Variants in AADAT observed in about 807,000 individuals in gnomAD.
AADAT encodes the protein aminoadipate aminotransferase.
AADAT carries 25 observed loss-of-function variants against 56.2 expected under a neutral mutation model. The ratio of observed to expected loss-of-function variants is 0.44; its 90% confidence interval spans 0.32 to 0.62. The LOEUF (loss-of-function observed/expected upper bound fraction) is 0.62, where lower values mean the gene tolerates loss of function less well. Ranked by LOEUF, AADAT falls within the 20% of genes least tolerant of loss-of-function variation. AADAT has a pLI of 0.04. For synonymous variants in AADAT, 173 were observed against 164.7 expected (o/e 1.05, Z -0.39); for missense variants, 387 against 510.5 (o/e 0.76, Z 2.33).
chr4:170,069,707 T>G (rs1412242248), intron 6 of AADAT, among the ~76,000 whole-genome samples: 1 of 152,172 alleles, frequency 6.6e-6, no homozygotes, highest in Non-Finnish European at 1.5e-5. Flanking sequence ...CATGAAAGAC[T>G]GACTTCAACA....
chr4:170,061,783 T>C (rs949251720), intron 12 of AADAT, 109 bp downstream of exon 12: 1 of 730,702 alleles, frequency 1.4e-6, no homozygotes, highest in Non-Finnish European at 2.0e-6. Flanking sequence ...ATCTGAATTT[T>C]AGAAACCCAA....
intron 11 of AADAT, among the ~76,000 whole-genome samples, chr4:170,064,363 T>C (rs1731343140): frequency 1.3e-5 from 2 of 152,190 alleles, no homozygotes; most frequent in African/African-American, 4.8e-5. Flanking sequence ...TCTTATTACC[T>C]CTGTTTTACA....
chr4:170,070,647 T>G lies in AADAT; in HGVS notation c.660A>C (p.Ala220=). The G allele has an allele frequency of 6.4e-7, 1 of 1,563,070 alleles. No homozygotes were observed. Among genetic ancestry groups the G allele is most frequent in the Non-Finnish European group, 8.7e-7 (1 of 1,144,452 alleles). ...CTATTATGAGGAAATCATATTTTCTTGCAAGCTAAAAAAGGTTGAAGTAAT... is the reference window on the plus strand; with the variant it reads ...CTATTATGAGGAAATCATATTTTCTGGCAAGCTAAAAAAGGTTGAAGTAAT... ...SERKKEIYEL[A]RKYDFLIIED... The change falls in exon 6 of 13, where the codon GCA becomes GCC. Residue 220 remains alanine, a synonymous_variant. Transcript: ENST00000337664.
chr4:170,087,281 T>C, intron 2 of AADAT, 33 bp from the exon 3 acceptor site: 1 of 1,592,178 alleles, frequency 6.3e-7, no homozygotes. Context: ...AAATTCATAG[T>C]AGTAAAAATC....
intron 3 of AADAT, among the ~76,000 whole-genome samples, chr4:170,086,008 C>T (rs78679212): frequency 9.3e-4 from 141 of 152,134 alleles, no homozygotes; most frequent in East Asian, 5.6e-3. Flanking sequence ...AGAAAATATA[C>T]CAGCACTTTG....
chr4:170,064,155 A>T (rs1731329096), intron 11 of AADAT, among the ~76,000 whole-genome samples: 1 of 152,150 alleles, frequency 6.6e-6, no homozygotes, highest in Admixed American at 6.6e-5. Flanking sequence ...TATTTAAAAA[A>T]TTTTCATTAT....
intron 2 of AADAT, 97 bp from the exon 3 acceptor site, chr4:170,087,345 G>A (rs1732614196): frequency 8.6e-7 from 1 of 1,163,484 alleles, no homozygotes; most frequent in Non-Finnish European, 1.2e-6. Context: ...CAAGCACTTT[G>A]TACACTCAAT....
chr4:170,083,706 A>C (rs946742239), intron 3 of AADAT, among the ~76,000 whole-genome samples: 3 of 152,186 alleles, frequency 2.0e-5, no homozygotes, highest in African/African-American at 7.2e-5. Flanking sequence ...AACCATATTC[A>C]AAATGGCTAG....
intron 4 of AADAT, 97 bp from the exon 5 acceptor site, chr4:170,073,442 A>G: frequency 9.5e-7 from 1 of 1,057,440 alleles, no homozygotes; most frequent in Non-Finnish European, 1.3e-6. Context: ...TTGCTCATTC[A>G]TACCCTTAAA....
At chr4:170,073,390 G>T (rs111721322) in intron 4 of AADAT, 45 bp from the exon 5 acceptor site, 2 of 1,505,360 alleles carry the variant, frequency 1.3e-6, no homozygotes, top group Non-Finnish European at 8.9e-7. Context: ...GATTACAAAT[G>T]TAAGTGCTAT....
chr4:170,062,065 T>G (rs1731219590), intron 11 of AADAT, 72 bp from the exon 12 acceptor site: 1 of 981,430 alleles, frequency 1.0e-6, no homozygotes, highest in African/African-American at 1.6e-5. Context: ...TTAAGCCTAA[T>G]CTCAGAGTAG....
At chr4:170,074,659 T>C (rs1158188827) in intron 4 of AADAT, among the ~76,000 whole-genome samples, 1 of 152,088 alleles carries the variant, frequency 6.6e-6, no homozygotes, top group African/African-American at 2.4e-5. Context: ...ACATTAACTC[T>C]GGAACATGGG....
chr4:170,064,307 T>C (rs1002537652), intron 11 of AADAT, among the ~76,000 whole-genome samples: 1 of 152,216 alleles, frequency 6.6e-6, no homozygotes, highest in Non-Finnish European at 1.5e-5. Context: ...GGGCTTTACA[T>C]ATATTAACTC....
chr4:170,086,467 C>A (rs1213173456), intron 3 of AADAT, among the ~76,000 whole-genome samples: 2 of 151,816 alleles, frequency 1.3e-5, no homozygotes, highest in East Asian at 3.9e-4. Context: ...GAGAAATACA[C>A]CCAAGAGGGG....
intron 3 of AADAT, among the ~76,000 whole-genome samples, chr4:170,082,562 C>T (rs1290741544): frequency 6.6e-6 from 1 of 152,016 alleles, no homozygotes. Context: ...AACAAAATGC[C>T]AGTAGTAAGT....
chr4:170,074,509 T>A (rs1731943336), intron 4 of AADAT, among the ~76,000 whole-genome samples: 2 of 152,194 alleles, frequency 1.3e-5, no homozygotes, highest in Non-Finnish European at 2.9e-5. Flanking sequence ...GTAAATCATA[T>A]GTTTCATTTA....
Position 170,070,757 on chromosome 4 carries a change from G to T in AADAT, c.655-105C>A, listed in dbSNP as rs563857597. 4 of 749,878 alleles carry T rather than the reference G, an allele frequency of 5.3e-6. No homozygotes were observed. In the South Asian group the frequency reaches 5.8e-5, roughly 11 times the overall value. The allele number at this position is 749,878 out of a possible 1,614,324, so 46.5% of individuals were successfully genotyped here. A position where few individuals can be genotyped will look rare whatever the true frequency, so the allele number is the denominator to read the frequency against. ...TTATAATTCTTTGTACTCATTCAAG[G>T]AACTACTGTGTGTCTATTGTCTTAG... On this transcript the variant is annotated intron_variant, in intron 5 of 12. Coordinates refer to ENST00000337664, the MANE Select transcript of AADAT (RefSeq NM_016228.4).
At chr4:170,087,280 G>C (rs1464940077) in intron 2 of AADAT, 32 bp from the exon 3 acceptor site, 4 of 1,593,686 alleles carry the variant, frequency 2.5e-6, no homozygotes, top group Non-Finnish European at 3.4e-6. Context: ...TAAATTCATA[G>C]TAGTAAAAAT....
At chr4:170,064,633 T>C in intron 11 of AADAT, 86 bp downstream of exon 11, 1 of 1,006,286 alleles carries the variant, frequency 9.9e-7, no homozygotes, top group East Asian at 2.5e-5. Context: ...ACAAGAAACA[T>C]TTCTTTCCAT....
Sources: gnomAD v4.1 joint callset for allele counts (sites outside exome capture counted in the v4.1 genomes callset) on GRCh38, gnomAD v4.1.1 for gene constraint, MANE v1.5 for transcripts, NCBI Gene and HGNC (gene_info 2026-07-23, HGNC 2026-07-21) for gene names.